Variants in CACNB4 observed in about 807,000 individuals in gnomAD.
CACNB4 encodes the protein calcium voltage-gated channel auxiliary subunit beta 4, also known as voltage-dependent L-type calcium channel subunit beta-4.
Under a neutral mutation model 71.2 loss-of-function variants are expected in CACNB4, and 32 were observed. That is an observed-to-expected ratio of 0.45 (90% confidence interval 0.34 to 0.60). CACNB4 has a LOEUF of 0.60. Ranked by LOEUF, CACNB4 falls within the 20% of genes least tolerant of loss-of-function variation. The pLI is 0.01. For missense variants in CACNB4, 464 were observed against 647.9 expected (o/e 0.72, Z 3.08); for synonymous variants, 231 against 236.9 (o/e 0.97, Z 0.23).
chr2:152,041,594 G>A (rs955551217), intron 2 of CACNB4, among the ~76,000 whole-genome samples: 4 of 152,142 alleles, frequency 2.6e-5, no homozygotes, highest in African/African-American at 9.7e-5. Flanking sequence ...ATAGGAGACT[G>A]GGGCACAGAA....
At chr2:151,938,153 C>T (rs2099863386) in intron 2 of CACNB4, among the ~76,000 whole-genome samples, 1 of 152,086 alleles carries the variant, frequency 6.6e-6, no homozygotes, top group Non-Finnish European at 1.5e-5. Flanking sequence ...GAATAATAAA[C>T]ACACTGCTTT....
intron 9 of CACNB4, among the ~76,000 whole-genome samples, chr2:151,864,253 A>G (rs1378372251): frequency 6.6e-6 from 1 of 152,228 alleles, no homozygotes; most frequent in Non-Finnish European, 1.5e-5. Flanking sequence ...GTTCCCCAGC[A>G]GACTGGATGT....
chr2:151,865,565 C>G (rs192577867), intron 9 of CACNB4, among the ~76,000 whole-genome samples: 168 of 146,530 alleles, frequency 1.1e-3, no homozygotes, highest in African/African-American at 4.3e-3. Flanking sequence ...GGCTGTTCAG[C>G]CTGTGAATGG....
chr2:152,054,780 C>A (rs544397625), intron 2 of CACNB4, among the ~76,000 whole-genome samples: 5 of 152,150 alleles, frequency 3.3e-5, no homozygotes, highest in African/African-American at 4.8e-5. Context: ...TGTAAAGTGG[C>A]ATGTCATTGT....
At chr2:151,844,475 C>G (rs1013975515) in intron 12 of CACNB4, among the ~76,000 whole-genome samples, 15 of 152,098 alleles carry the variant, frequency 9.9e-5, no homozygotes, top group African/African-American at 3.6e-4. Context: ...GCCATGAGTG[C>G]CAAGGAAAGC....
intron 12 of CACNB4, among the ~76,000 whole-genome samples, chr2:151,846,614 G>A (rs62174453): frequency 0.019 from 2,951 of 152,130 alleles, 38 homozygotes; most frequent in Middle Eastern, 0.034. Context: ...GTGCAGTGGC[G>A]TAATCTCCGA....
chr2:151,890,653 T>C (rs1342429371), intron 2 of CACNB4, among the ~76,000 whole-genome samples: 1 of 152,176 alleles, frequency 6.6e-6, no homozygotes. Flanking sequence ...TAAAACAAAA[T>C]AACATTCCTC....
intron 6 of CACNB4, 151 bp downstream of exon 6, chr2:151,872,266 T>C (rs1358926993): frequency 1.1e-5 from 7 of 609,640 alleles, no homozygotes; most frequent in South Asian, 7.3e-5. Flanking sequence ...CAAATTACCA[T>C]AGAAAACAAA....
At chr2:151,867,614 T>C (rs2099843495) in intron 9 of CACNB4, 1 of 152,242 alleles carries the variant, frequency 6.6e-6, no homozygotes, top group South Asian at 2.1e-4. Flanking sequence ...TCTTTCTTAT[T>C]AAGCCTTTGT....
At chr2:151,987,500 G>A (rs538540361) in intron 2 of CACNB4, among the ~76,000 whole-genome samples, 8 of 152,212 alleles carry the variant, frequency 5.3e-5, no homozygotes, top group South Asian at 2.1e-4. Flanking sequence ...ATAATAAATC[G>A]GGATGATGGA....
intron 5 of CACNB4, among the ~76,000 whole-genome samples, chr2:151,875,829 T>G (rs546743450): frequency 7.2e-5 from 8 of 111,322 alleles, no homozygotes; most frequent in East Asian, 6.1e-4. Context: ...GGACGGGGCG[T>G]CTCGCCTGGC....
At chr2:151,980,442 C>A (rs2151748335) in intron 2 of CACNB4, among the ~76,000 whole-genome samples, 1 of 152,334 alleles carries the variant, frequency 6.6e-6, no homozygotes, top group African/African-American at 2.4e-5. Flanking sequence ...CACACCTCCT[C>A]TCAATCTGCC....
intron 2 of CACNB4, among the ~76,000 whole-genome samples, chr2:151,940,026 A>G (rs1178901033): frequency 1.3e-5 from 2 of 152,212 alleles, no homozygotes; most frequent in Admixed American, 1.3e-4. Flanking sequence ...TCAATCTAAA[A>G]AAATTGTTCT....
rs2099836330 is a variant in CACNB4 at position 151,841,941 on chromosome 2, C to T, written c.1264G>A (p.Ala422Thr). ...ATTGCTGTGGGATATGGTGAGAGTG[C>T]CGTGGAGCCCAAATTCCTTCCCAGC... Reference protein sequence around the residue: ...PLLGRNLGSTALSPYPTAISG... With the variant: ...PLLGRNLGSTTLSPYPTAISG... The change falls in exon 13 of 14, where the codon GCA (alanine) becomes ACA (threonine). Residue 422 changes from alanine (A) to threonine (T), a missense_variant. Around this residue, in one of 3 missense-constraint regions of CACNB4, gnomAD observed 115 missense variants for 128.8 expected, o/e 0.89. Coordinates refer to ENST00000539935, the MANE Select transcript of CACNB4 (RefSeq NM_000726.5). 1 of 1,613,808 alleles carries T rather than the reference C, an allele frequency of 6.2e-7. No homozygotes were observed. The highest frequency in any genetic ancestry group is 8.5e-7 in the Non-Finnish European group (1 of 1,179,840).
intron 2 of CACNB4, among the ~76,000 whole-genome samples, chr2:152,085,489 G>T (rs1687606534): frequency 1.3e-5 from 2 of 152,112 alleles, no homozygotes; most frequent in Admixed American, 1.3e-4. Flanking sequence ...AAGCAGTCAG[G>T]CAGTGTGAAA....
In CACNB4 at chr2:151,860,813, T is replaced by C. The variant is rs1218496702; in HGVS notation, c.766A>G (p.Ile256Val). ...LKHRFDGRIS[I>V]TRVTADISLA... ...GAAATGTCAGCTGTCACTCTCGTTA[T>C]TGAAATCCTATGAATAGGAACACAG... The change falls in exon 10 of 14, where the codon ATA becomes GTA. Residue 256 changes from isoleucine to valine, a missense_variant. Physicochemically the swap from Ile to Val is conservative, Grantham distance 29 (BLOSUM62 3). This residue lies in a region of CACNB4 where 299 missense variants were observed against 471.7 expected (regional missense o/e 0.63). Transcript: ENST00000539935. 1.9e-6 allele frequency: 3 copies of C among 1,606,500 alleles called. No individual in the cohort carries two copies. The highest frequency in any genetic ancestry group is 2.6e-6 in the Non-Finnish European group (3 of 1,173,078).
At chr2:151,918,523 C>T (rs1264421379) in intron 2 of CACNB4, among the ~76,000 whole-genome samples, 1 of 152,178 alleles carries the variant, frequency 6.6e-6, no homozygotes, top group African/African-American at 2.4e-5. Flanking sequence ...AGGGGCTTTC[C>T]TTCTCCAATA....
chr2:151,862,287 T>C (rs2099841946), intron 9 of CACNB4, among the ~76,000 whole-genome samples: 1 of 152,178 alleles, frequency 6.6e-6, no homozygotes, highest in African/African-American at 2.4e-5. Context: ...CCTAAAGCCT[T>C]GGAGAGAATT....
intron 10 of CACNB4, chr2:151,860,400 C>G: frequency 2.6e-6 from 1 of 383,244 alleles, no homozygotes. Flanking sequence ...ATATCATTAG[C>G]CTTGTTGAGA....
Sources: allele counts gnomAD v4.1 joint callset (sites outside exome capture counted in the v4.1 genomes callset), GRCh38; gene constraint gnomAD v4.1.1; regional missense constraint gnomAD v4.1.1; transcripts MANE v1.5; gene names NCBI Gene and HGNC (gene_info 2026-07-23, HGNC 2026-07-21).